The following MRPS28 variants were observed in gnomAD, a reference collection of about 807,000 sequenced individuals.
The protein encoded by MRPS28 is small ribosomal subunit protein bS1m.
In MRPS28, 7 loss-of-function variants were observed where a neutral mutation model predicts 10.8. The observed-to-expected ratio is 0.65, with a 90% CI of 0.37 to 1.22. MRPS28 has a LOEUF of 1.22. Ranked by LOEUF, MRPS28 falls within the 50% of genes most tolerant of loss-of-function variation. The pLI, the probability that MRPS28 is intolerant of heterozygous loss-of-function variation, is 0.02. For missense variants in MRPS28, 265 were observed against 232.9 expected, an observed-to-expected ratio of 1.14 and a Z score of -0.90; for synonymous variants, 121 against 93.3, an observed-to-expected ratio of 1.30 and a Z score of -1.71.
intron 1 of MRPS28, among the ~76,000 whole-genome samples, chr8:80,007,450 G>T (rs988404530): frequency 5.3e-5 from 8 of 152,162 alleles, no homozygotes; most frequent in South Asian, 2.1e-4. Context: ...AGAAATAAAG[G>T]GTATTCAATT....
chr8:79,983,377 C>T (rs1001140631), intron 2 of MRPS28, among the ~76,000 whole-genome samples: 66 of 152,170 alleles, frequency 4.3e-4, no homozygotes, highest in Non-Finnish European at 8.1e-4. Flanking sequence ...CTCTCCTCCT[C>T]CAAAGGAACG....
At chr8:79,949,367 T>C (rs766802275) in intron 2 of MRPS28, among the ~76,000 whole-genome samples, 16 of 151,696 alleles carry the variant, frequency 1.1e-4, no homozygotes, top group Non-Finnish European at 1.9e-4. Context: ...TGAGCCGAGA[T>C]TGCGCCACTG....
At chr8:80,007,200 G>C (rs1385429610) in intron 1 of MRPS28, among the ~76,000 whole-genome samples, 1 of 152,158 alleles carries the variant, frequency 6.6e-6, no homozygotes, top group East Asian at 1.9e-4. Flanking sequence ...ATGCAGAAAA[G>C]GCCTTTGACA....
intron 2 of MRPS28, among the ~76,000 whole-genome samples, chr8:79,959,145 G>A (rs1212790411): frequency 6.6e-6 from 1 of 152,002 alleles, no homozygotes; most frequent in Non-Finnish European, 1.5e-5. Flanking sequence ...CTGCAGTAAA[G>A]ATTACTGAAC....
chr8:80,009,983 T>C (rs1808987504), intron 1 of MRPS28, among the ~76,000 whole-genome samples: 1 of 152,206 alleles, frequency 6.6e-6, no homozygotes, highest in Admixed American at 6.5e-5. Context: ...GATACATAAT[T>C]CTTTTTAAAC....
At chr8:80,003,616 G>C (rs998185133) in intron 1 of MRPS28, among the ~76,000 whole-genome samples, 4 of 152,204 alleles carry the variant, frequency 2.6e-5, no homozygotes, top group Non-Finnish European at 5.9e-5. Context: ...GAGGTACCGG[G>C]TTCATTTCAC....
chr8:79,971,048 A>G (rs7015849), intron 2 of MRPS28, among the ~76,000 whole-genome samples: 113,115 of 152,108 alleles, frequency 0.74, 42,285 homozygotes, highest in East Asian at 0.84. Context: ...AGAGGAGGAC[A>G]GCAGGATTTG....
At chr8:79,919,292 T>A in intron 2 of MRPS28, 144 bp from the exon 3 acceptor site, 1 of 575,854 alleles carries the variant, frequency 1.7e-6, no homozygotes, top group Non-Finnish European at 2.7e-6. Flanking sequence ...TAGCTGTATT[T>A]GACAAAAAAG....
intron 2 of MRPS28, among the ~76,000 whole-genome samples, chr8:79,955,079 T>A (rs1807170541): frequency 6.6e-6 from 1 of 152,172 alleles, no homozygotes; most frequent in South Asian, 2.1e-4. Context: ...CTTAAGTTCT[T>A]TTTGTCTGTT....
In MRPS28 at chr8:80,030,252, T is replaced by C; in HGVS notation, c.-4A>G. On this transcript the variant is annotated 5_prime_UTR_variant, in exon 1 of 3. Transcript: ENST00000276585. ...GGGTCCGACACAGCGCCGCCATGAC[T>C]TCTTTACCTCTGACCTTTGACCTCC... The C allele has an allele frequency of 6.2e-7, 1 of 1,614,142 alleles. No individual in the cohort carries two copies. Among genetic ancestry groups the C allele is most frequent in the South Asian group, 1.1e-5 (1 of 91,080 alleles).
intron 1 of MRPS28, among the ~76,000 whole-genome samples, chr8:80,006,422 G>C (rs1808847781): frequency 6.6e-6 from 1 of 152,124 alleles, no homozygotes; most frequent in Non-Finnish European, 1.5e-5. Context: ...ACTAAGATCA[G>C]AGCAGAACTG....
chr8:79,951,107 C>T (rs1807067776), intron 2 of MRPS28, among the ~76,000 whole-genome samples: 1 of 152,138 alleles, frequency 6.6e-6, no homozygotes. Context: ...CACAGAAGGG[C>T]CCAGTGCTTG....
intron 2 of MRPS28, among the ~76,000 whole-genome samples, chr8:79,969,791 C>T (rs1807584825): frequency 6.6e-6 from 1 of 151,906 alleles, no homozygotes; most frequent in Admixed American, 6.6e-5. Context: ...AAGAAGTAAA[C>T]AGGAAAACTA....
intron 2 of MRPS28, among the ~76,000 whole-genome samples, chr8:79,933,392 C>T (rs1418418517): frequency 1.3e-5 from 2 of 152,180 alleles, no homozygotes; most frequent in African/African-American, 4.8e-5. Flanking sequence ...AACCCTTAGA[C>T]CTCACTTAAC....
At chr8:79,968,589 T>G (rs1229749683) in intron 2 of MRPS28, among the ~76,000 whole-genome samples, 1 of 152,092 alleles carries the variant, frequency 6.6e-6, no homozygotes, top group African/African-American at 2.4e-5. Context: ...CCTGCAACTT[T>G]CCCTTCTCAA....
intron 2 of MRPS28, among the ~76,000 whole-genome samples, chr8:79,940,767 A>G (rs977024020): frequency 1.3e-5 from 2 of 152,256 alleles, no homozygotes; most frequent in African/African-American, 4.8e-5. Context: ...GAAAAAAGGG[A>G]CAAGGAGGTG....
intron 1 of MRPS28, among the ~76,000 whole-genome samples, chr8:80,029,309 C>G (rs1376451286): frequency 6.6e-6 from 1 of 152,172 alleles, no homozygotes; most frequent in Admixed American, 6.5e-5. Context: ...CTGTTTGGTA[C>G]TACTCCCTAG....
intron 2 of MRPS28, among the ~76,000 whole-genome samples, chr8:79,940,262 C>G (rs1013510431): frequency 1.3e-5 from 2 of 152,166 alleles, no homozygotes; most frequent in Admixed American, 6.5e-5. Flanking sequence ...CTGCCCTGTT[C>G]TGGAGAGCTG....
chr8:79,980,888 T>A (rs900995041), intron 2 of MRPS28, among the ~76,000 whole-genome samples: 1 of 152,340 alleles, frequency 6.6e-6, no homozygotes, highest in East Asian at 1.9e-4. Flanking sequence ...CTACCAGTCA[T>A]CAACACCATC....
Sources: gnomAD v4.1 joint callset for allele counts (sites outside exome capture counted in the v4.1 genomes callset) on GRCh38, gnomAD v4.1.1 for gene constraint, MANE v1.5 for transcripts, NCBI Gene and HGNC (gene_info 2026-07-23, HGNC 2026-07-21) for gene names.